The following PGM2 variants were observed in gnomAD, a reference collection of about 807,000 sequenced individuals.
The protein encoded by PGM2 is phosphopentomutase.
In PGM2, 57 loss-of-function variants were observed where a neutral mutation model predicts 74.6. The observed-to-expected ratio is 0.76, with a 90% CI of 0.62 to 0.95. The LOEUF is 0.95. Ranked by LOEUF, PGM2 falls within the 40% of genes least tolerant of loss-of-function variation. The probability of loss-of-function intolerance (pLI) is 0.00; values close to 1 mark genes in which losing one functional copy is unlikely to be tolerated. For missense variants in PGM2, 706 were observed against 741.9 expected (o/e 0.95, Z 0.56); for synonymous variants, 273 against 260.7 (o/e 1.05, Z -0.46).
At chr4:37,839,711 CAA>C in intron 4 of PGM2, 135 bp from the exon 5 acceptor site, 1 of 700,106 alleles carries the variant, frequency 1.4e-6, no homozygotes, top group African/African-American at 1.8e-5. Flanking sequence ...GGGTGTGGCT[CAA>C]AAATATTATG....
intron 13 of PGM2, among the ~76,000 whole-genome samples, chr4:37,859,698 A>T (rs759848768): frequency 6.6e-6 from 1 of 150,588 alleles, no homozygotes; most frequent in Non-Finnish European, 1.5e-5. Flanking sequence ...AATCCCCAAA[A>T]GTCCCCAAAA....
chr4:37,851,363 C>G (rs925770698), intron 12 of PGM2, among the ~76,000 whole-genome samples: 8 of 152,254 alleles, frequency 5.3e-5, no homozygotes, highest in African/African-American at 1.9e-4. Flanking sequence ...TTAGTGTACT[C>G]TGTTCTCTGA....
intron 2 of PGM2, among the ~76,000 whole-genome samples, chr4:37,833,437 T>C (rs1208236490): frequency 6.6e-6 from 1 of 152,182 alleles, no homozygotes; most frequent in African/African-American, 2.4e-5. Flanking sequence ...AGCATGTGCC[T>C]GTAGTCCCAG....
chr4:37,861,347 A>G (rs1227428299), intron 13 of PGM2, among the ~76,000 whole-genome samples, 163 bp from the exon 14 acceptor site: 2 of 152,166 alleles, frequency 1.3e-5, no homozygotes, highest in Admixed American at 6.6e-5. Context: ...GTCTAAGTCA[A>G]TAGATGTGTT....
rs1276506600 is a variant in PGM2 at position 37,834,605 on chromosome 4, G to C, written c.250-13G>C. 1 of 1,211,660 alleles carries C rather than the reference G, an allele frequency of 8.3e-7. No homozygotes were observed. The highest frequency in any genetic ancestry group is 1.2e-6 in the Non-Finnish European group (1 of 826,984). 75.1% of individuals were successfully genotyped at this position (1,211,660 alleles called of 1,614,324 possible). ...GTTAAAACATACTTTTTAAATCTATGGTGTATTTGTAGGGATTTTGCAGAT... is the reference window on the plus strand; with the variant it reads ...GTTAAAACATACTTTTTAAATCTATCGTGTATTTGTAGGGATTTTGCAGAT... On this transcript the variant is annotated splice_polypyrimidine_tract_variant and intron_variant, in intron 2 of 13. Coordinates refer to ENST00000381967, the MANE Select transcript of PGM2 (RefSeq NM_018290.4).
rs780812088 is a variant in PGM2 at position 37,830,059 on chromosome 4, A to C, written c.177A>C (p.Thr59=). 16 of 1,608,494 alleles carry C rather than the reference A, an allele frequency of 9.9e-6. No individual in the cohort carries two copies. In the South Asian group the frequency reaches 1.7e-4, roughly 17 times the overall value. The part of the protein sequence containing the change: ...KCFGARMEFG[T]AGLRAAMGPG... ...TTGGGGCCCGAATGGAGTTTGGGAC[A>C]GCTGGCCTCCGAGCTGCTATGGGAC... Residue 59 remains threonine (T), a synonymous_variant, in exon 2 of 14, where the codon ACA becomes ACC. Transcript: ENST00000381967.
At chr4:37,851,642 AC>A (rs1397196680) in intron 12 of PGM2, among the ~76,000 whole-genome samples, 3 of 152,158 alleles carry the variant, frequency 2.0e-5, no homozygotes, top group Admixed American at 6.5e-5. Context: ...TGGCAGTCCC[AC>A]CCCTGCCACC....
chr4:37,834,264 A>C (rs191866569), intron 2 of PGM2, among the ~76,000 whole-genome samples: 1 of 152,144 alleles, frequency 6.6e-6, no homozygotes, highest in East Asian at 1.9e-4. Context: ...TAAACCCAGG[A>C]ATTCAAGGTT....
rs1006906448 is a variant in PGM2, at chr4:37,844,069, T to C, written c.720-295T>C. 2.0e-5 allele frequency among the ~76,000 whole-genome samples: 3 copies of C among 152,254 alleles called. No individual in the cohort carries two copies. The East Asian group carries it at 5.8e-4, about 29-fold the overall frequency. On this transcript the variant is annotated intron_variant, in intron 6 of 13. Transcript: ENST00000381967. ...GTCAGGGCACCTGTCAGGCCAGCAGTGAGTCTCGTGTGGGAACATGAGCTT... is the reference window on the plus strand; with the variant it reads ...GTCAGGGCACCTGTCAGGCCAGCAGCGAGTCTCGTGTGGGAACATGAGCTT...
At chr4:37,842,909 C>G (rs1425078239) in intron 6 of PGM2, among the ~76,000 whole-genome samples, 1 of 152,112 alleles carries the variant, frequency 6.6e-6, no homozygotes, top group African/African-American at 2.4e-5. Flanking sequence ...GCAATCCACC[C>G]GCCTCGGCCT....
intron 1 of PGM2, among the ~76,000 whole-genome samples, chr4:37,827,939 T>C (rs1303585508): frequency 6.6e-6 from 1 of 152,208 alleles, no homozygotes; most frequent in Non-Finnish European, 1.5e-5. Flanking sequence ...CTATTCTCAC[T>C]ACCTTGGTTT....
rs866679513 is a variant in PGM2, at chr4:37,856,743, G to A, written c.1736+1002G>A. Reference sequence around the variant, plus strand: ...AAATCAGGAAAAGTTTTTGTGAAAGGTGAATTAAGTCAGTGCTGTCTGACA... The same window carrying A: ...AAATCAGGAAAAGTTTTTGTGAAAGATGAATTAAGTCAGTGCTGTCTGACA... On this transcript the variant is annotated intron_variant, in intron 13 of 13. Transcript: ENST00000381967. Among the ~76,000 whole-genome samples the A allele has an allele frequency of 3.3e-5, 5 of 152,112 alleles. No homozygotes were observed. The South Asian group carries it at 6.2e-4, about 19-fold the overall frequency.
At chr4:37,833,902 AT>A (rs57951612) in intron 2 of PGM2, among the ~76,000 whole-genome samples, 10,389 of 152,060 alleles carry the variant, frequency 0.068, 633 homozygotes, top group East Asian at 0.15. Flanking sequence ...AAATTCTCAG[AT>A]TGTGCTTCTA....
chr4:37,854,507 T>C (rs1363444412), intron 12 of PGM2, among the ~76,000 whole-genome samples: 1 of 152,102 alleles, frequency 6.6e-6, no homozygotes, highest in Non-Finnish European at 1.5e-5. Context: ...CCCGCCACCA[T>C]GCCTGGCTAA....
At chr4:37,851,970 C>CTTTCTTTTTTTTTT (rs374297092) in intron 12 of PGM2, among the ~76,000 whole-genome samples, 1 of 135,002 alleles carries the variant, frequency 7.4e-6, no homozygotes, top group Non-Finnish European at 1.6e-5. Context: ...TGTTTGTTTT[C>CTTTCTTTTTTTTTT]TTTTTTTTTG....
intron 1 of PGM2, among the ~76,000 whole-genome samples, chr4:37,829,319 G>A (rs1725376341): frequency 6.6e-6 from 1 of 152,130 alleles, no homozygotes; most frequent in Non-Finnish European, 1.5e-5. Context: ...AATCTCTGAG[G>A]CTTCCCCATC....
intron 2 of PGM2, among the ~76,000 whole-genome samples, 180 bp from the exon 3 acceptor site, chr4:37,834,438 T>C (rs1725512491): frequency 6.6e-6 from 1 of 152,176 alleles, no homozygotes; most frequent in African/African-American, 2.4e-5. Context: ...AAAACATAGA[T>C]AATAAACAAA....
chr4:37,837,557 A>G lies in PGM2; in HGVS notation c.385A>G (p.Ile129Val), dbSNP rs1725600520. 6.2e-7 allele frequency: 1 copy of G among 1,613,258 alleles called. No homozygotes were observed. Among genetic ancestry groups the G allele is most frequent in the Admixed American group, 1.7e-5 (1 of 60,002 alleles). Reference sequence around the variant, plus strand: ...TGCCCGACTTGCTGCAACCACATTTATCAGTCAGGGGATTCCTGTGTACCT... The same window carrying G: ...TGCCCGACTTGCTGCAACCACATTTGTCAGTCAGGGGATTCCTGTGTACCT... ...RFARLAATTF[I>V]SQGIPVYLFS... is the part of the protein sequence containing the mutation. Residue 129 changes from isoleucine to valine, a missense_variant, in exon 4 of 14, where the codon ATC (isoleucine) becomes GTC (valine). Transcript: ENST00000381967.
At chr4:37,860,491 A>G (rs904798799) in intron 13 of PGM2, among the ~76,000 whole-genome samples, 4 of 152,238 alleles carry the variant, frequency 2.6e-5, no homozygotes, top group African/African-American at 9.6e-5. Context: ...AGGCCAAGCC[A>G]CTTGCCCAAG....
Sources: gnomAD v4.1 joint callset for allele counts (sites outside exome capture counted in the v4.1 genomes callset) on GRCh38, gnomAD v4.1.1 for gene constraint, MANE v1.5 for transcripts, NCBI Gene and HGNC (gene_info 2026-07-23, HGNC 2026-07-21) for gene names.